The following IWS1 variants were observed in gnomAD, a reference collection of about 807,000 sequenced individuals.
IWS1 encodes interacts with SUPT6H, CTD assembly factor 1.
A neutral mutation model predicts 86.7 loss-of-function variants in IWS1; 27 were observed. That is an observed-to-expected ratio of 0.31 (90% CI 0.23 to 0.43). The LOEUF is 0.43. Among genes scored for constraint, IWS1 ranks in the 20% least tolerant of loss-of-function variants. The pLI, the probability that IWS1 is intolerant of heterozygous loss-of-function variation, is 1.00. For synonymous variants in IWS1, 313 were observed against 335.1 expected (o/e 0.93, Z 0.72); for missense variants, 827 against 1,000.8 (o/e 0.83, Z 2.34).
chr2:127,487,401 C>A (rs1282410074), intron 12 of IWS1, among the ~76,000 whole-genome samples: 2 of 152,200 alleles, frequency 1.3e-5, no homozygotes, highest in African/African-American at 2.4e-5. Flanking sequence ...AGATTACTAA[C>A]CTTCCAAAGT....
At chr2:127,525,520 T>C (rs1207251344) in intron 1 of IWS1, among the ~76,000 whole-genome samples, 1 of 152,196 alleles carries the variant, frequency 6.6e-6, no homozygotes, top group Non-Finnish European at 1.5e-5. Flanking sequence ...AAATGCGACG[T>C]GTTTCCCACA....
At chr2:127,493,619 T>A (rs564835431) in intron 8 of IWS1, among the ~76,000 whole-genome samples, 35 of 152,198 alleles carry the variant, frequency 2.3e-4, no homozygotes, top group African/African-American at 7.7e-4. Context: ...ACAAAGATGA[T>A]TTGCTGAAAA....
chr2:127,526,698 T>C (rs1433931548), upstream of IWS1: 9 of 1,306,344 alleles, frequency 6.9e-6, no homozygotes, highest in Non-Finnish European at 9.1e-6. Context: ...TTCTTTATCA[T>C]TTCCTAGATT....
At position 127,489,287 on chromosome 2, in the gene IWS1, C is replaced by A; in HGVS notation, c.2160-52G>T. On this transcript the variant is annotated intron_variant, in intron 11 of 13. Coordinates refer to ENST00000295321, the MANE Select transcript of IWS1 (RefSeq NM_017969.3). The surrounding 1 kb of genome is among the most constrained non-coding windows in gnomAD (Gnocchi z 4.8). ...CCAGGAATATTAGAACCTAATAACT[C>A]AGAAAAAGAGCAAACTAAAAATCAA... 1 of 1,344,126 alleles carries A rather than the reference C, an allele frequency of 7.4e-7. No homozygotes were observed. The highest frequency in any genetic ancestry group is 1.2e-5 in the South Asian group (1 of 80,594). The allele number at this position is 1,344,126 out of a possible 1,614,324, so 83.3% of individuals were successfully genotyped here.
At chr2:127,503,628 T>C (rs1371063840) in intron 3 of IWS1, 52 bp from the exon 4 acceptor site, 1 of 1,361,908 alleles carries the variant, frequency 7.3e-7, no homozygotes, top group Non-Finnish European at 9.9e-7. Flanking sequence ...GCCATTGTAT[T>C]ACTAAGCATA....
chr2:127,494,510 C>T (rs1408006841), intron 8 of IWS1: 1 of 156,032 alleles, frequency 6.4e-6, no homozygotes, highest in Non-Finnish European at 1.4e-5. Flanking sequence ...GTCTGTAATT[C>T]CAGCACTTTG....
chr2:127,495,868 G>T, intron 7 of IWS1, 130 bp downstream of exon 7: 1 of 784,530 alleles, frequency 1.3e-6, no homozygotes, highest in Non-Finnish European at 1.9e-6. Flanking sequence ...TTAAAATTGA[G>T]AACAGTAAAT....
chr2:127,493,836 C>A (rs1284096302), intron 8 of IWS1, among the ~76,000 whole-genome samples: 585 of 92,700 alleles, frequency 6.3e-3, no homozygotes, highest in Non-Finnish European at 7.2e-3. Flanking sequence ...ACTGGCAGGA[C>A]AAAAAAAAAA....
chr2:127,516,284 C>A (rs939663618), intron 2 of IWS1, among the ~76,000 whole-genome samples: 1 of 152,104 alleles, frequency 6.6e-6, no homozygotes, highest in Non-Finnish European at 1.5e-5. Context: ...TCAACCTGGG[C>A]AGTGAGCCGA....
At position 127,489,013 on chromosome 2, in the gene IWS1, C is replaced by T. The variant is rs1007410239; in HGVS notation, c.2216+166G>A. Reference sequence around the variant, plus strand: ...TGAATTATTTTCTCAATTTTCCTTACATCCCCAGAGTACCCAATACAATGC... The same window carrying T: ...TGAATTATTTTCTCAATTTTCCTTATATCCCCAGAGTACCCAATACAATGC... On this transcript the variant is annotated intron_variant, in intron 12 of 13. Transcript: ENST00000295321. This position sits in a 1 kb window ranked among gnomAD's most constrained non-coding sequence, Gnocchi z 4.8. Among the ~76,000 whole-genome samples, 2 of 152,192 alleles carry T rather than the reference C, an allele frequency of 1.3e-5. No homozygotes were observed. Among genetic ancestry groups the T allele is most frequent in the Non-Finnish European group, 2.9e-5 (2 of 68,042 alleles).
intron 2 of IWS1, among the ~76,000 whole-genome samples, chr2:127,520,164 T>C (rs1005776919): frequency 6.6e-6 from 1 of 152,080 alleles, no homozygotes; most frequent in Non-Finnish European, 1.5e-5. Flanking sequence ...ACTGCCCCAT[T>C]TTTTTTGTTT....
In IWS1 at chr2:127,481,111, A is replaced by T. The variant is rs140149850; in HGVS notation, c.2393T>A (p.Ile798Lys). Residue 798 changes from isoleucine to lysine, a missense_variant, in exon 14 of 14, where the codon ATA (isoleucine) becomes AAA (lysine). By Grantham distance (102) the Ile-to-Lys change is moderately radical. Around this residue, in one of 2 missense-constraint regions of IWS1, gnomAD observed 279 missense variants for 440.6 expected, o/e 0.63. Transcript: ENST00000295321. Reference sequence around the variant, plus strand: ...GTGTGCAGATCTGCTTTTTTTCCTTATATCTGTGAACTTTCTCATCTGTTT... The same window carrying T: ...GTGTGCAGATCTGCTTTTTTTCCTTTTATCTGTGAACTTTCTCATCTGTTT... ...LDKQMRKFTD[I>K]RKKSRSAHAV... 6.2e-7 allele frequency: 1 copy of T among 1,611,450 alleles called. No individual in the cohort carries two copies. Among genetic ancestry groups the T allele is most frequent in the African/African-American group, 1.3e-5 (1 of 74,518 alleles).
At chr2:127,484,426 T>C (rs1689818193) in intron 13 of IWS1, 2 of 152,262 alleles carry the variant, frequency 1.3e-5, no homozygotes, top group African/African-American at 4.8e-5. Context: ...TGGAAACCCA[T>C]TTCCATTTCT....
rs1287745108 is a variant in IWS1 at position 127,526,198 on chromosome 2, TC to T, written c.10del (p.Glu4AsnfsTer30). On this transcript the variant is annotated frameshift_variant, in exon 1 of 14. Coordinates refer to ENST00000295321, the MANE Select transcript of IWS1 (RefSeq NM_017969.3). LOFTEE classifies it high-confidence loss of function. MDS[E>X]YYSGDQSDDG... is the part of the protein sequence containing the mutation. ...ACCTGACTGGTCGCCGCTGTAATAT[TC>T]CGAGTCCATGGCAGGCGGACTCTCA... 6.3e-7 allele frequency: 1 copy of T among 1,595,352 alleles called. No homozygotes were observed. Among genetic ancestry groups the T allele is most frequent in the Admixed American group, 1.7e-5 (1 of 57,990 alleles).
chr2:127,511,884 T>C (rs756331726), intron 2 of IWS1, among the ~76,000 whole-genome samples: 6 of 152,244 alleles, frequency 3.9e-5, no homozygotes, highest in Non-Finnish European at 7.3e-5. Context: ...GTTGTTTTGA[T>C]GTACTCCCCC....
chr2:127,483,758 T>C (rs12475191), intron 13 of IWS1, among the ~76,000 whole-genome samples: 76,704 of 151,398 alleles, frequency 0.51, 21,267 homozygotes, highest in Admixed American at 0.66. Flanking sequence ...CCCTCCCAAG[T>C]AGCTAGGACT....
chr2:127,489,900 T>C lies in IWS1; in HGVS notation c.2091A>G (p.Lys697=), dbSNP rs367984863. Reference sequence around the variant, plus strand: ...GCTCCCTTTCTTCTCTTGTCATTCCTTTGTAGTTTGAGGTAAGACCAAATA... The same window carrying C: ...GCTCCCTTTCTTCTCTTGTCATTCCCTTGTAGTTTGAGGTAAGACCAAATA... ...RPIFGLTSNY[K]GMTREEREQR... is the part of the protein sequence containing the mutation. Residue 697 remains lysine (K), a synonymous_variant, in exon 11 of 14, where the codon AAA becomes AAG. Coordinates refer to ENST00000295321, the MANE Select transcript of IWS1 (RefSeq NM_017969.3). This position sits in a 1 kb window ranked among gnomAD's most constrained non-coding sequence, Gnocchi z 4.8. The C allele has an allele frequency of 6.2e-7, 1 of 1,612,640 alleles. No homozygotes were observed. Among genetic ancestry groups the C allele is most frequent in the African/African-American group, 1.3e-5 (1 of 74,900 alleles).
Position 127,504,758 on chromosome 2 carries a change from T to G in IWS1, c.1145A>C (p.Lys382Thr). Residue 382 changes from lysine (K) to threonine (T), a missense_variant, in exon 3 of 14, where the codon AAA (lysine) becomes ACA (threonine). Coordinates refer to ENST00000295321, the MANE Select transcript of IWS1 (RefSeq NM_017969.3). Reference protein sequence around the residue: ...KQKMDSDEDEKEGEEEKVAKR... With the variant: ...KQKMDSDEDETEGEEEKVAKR... ...CGCTACTTTCTCCTCCTCACCCTCT[T>G]TTTCATCTTCATCACTGTCCATTTT... 2 of 1,614,118 alleles carry G rather than the reference T, an allele frequency of 1.2e-6. No homozygotes were observed. Among genetic ancestry groups the G allele is most frequent in the Non-Finnish European group, 1.7e-6 (2 of 1,180,016 alleles).
intron 2 of IWS1, among the ~76,000 whole-genome samples, chr2:127,519,393 A>C (rs1020710711): frequency 1.3e-5 from 2 of 152,308 alleles, no homozygotes; most frequent in East Asian, 3.9e-4. Flanking sequence ...GCTTTCTAAT[A>C]AAGTGGTTAA....
Sources: allele counts gnomAD v4.1 joint callset (sites outside exome capture counted in the v4.1 genomes callset), GRCh38; gene constraint gnomAD v4.1.1; regional missense constraint gnomAD v4.1.1; non-coding constraint Gnocchi (gnomAD v3.1); transcripts MANE v1.5; gene names NCBI Gene and HGNC (gene_info 2026-07-23, HGNC 2026-07-21).